TMCC1: variants seen among roughly 807,000 people sequenced by gnomAD.
TMCC1 encodes transmembrane and coiled-coil domain family 1, also known as transmembrane and coiled-coil domains protein 1.
In TMCC1, 15 loss-of-function variants were observed where a neutral mutation model predicts 52.4. The ratio of observed to expected loss-of-function variants is 0.29; its 90% CI spans 0.19 to 0.44. The LOEUF (loss-of-function observed/expected upper bound fraction) is 0.44. Among genes scored for constraint, TMCC1 ranks in the 20% least tolerant of loss-of-function variants. The pLI is 1.00. For missense variants in TMCC1, 503 were observed against 806.0 expected (o/e 0.62, Z 4.55); for synonymous variants, 279 against 301.9 (o/e 0.92, Z 0.79).
chr3:129,684,773 A>G (rs1055513886), intron 4 of TMCC1, among the ~76,000 whole-genome samples: 8 of 152,252 alleles, frequency 5.3e-5, no homozygotes, highest in African/African-American at 1.7e-4. Context: ...CTTTGTATCT[A>G]GGTATCTGCG....
At chr3:129,792,366 A>T (rs895455956) in intron 4 of TMCC1, among the ~76,000 whole-genome samples, 1 of 151,682 alleles carries the variant, frequency 6.6e-6, no homozygotes, top group Non-Finnish European at 1.5e-5. Context: ...ATTTTTTTTT[A>T]AGACGGAGTC....
intron 6 of TMCC1, among the ~76,000 whole-genome samples, chr3:129,652,097 T>C (rs1484966911): frequency 6.6e-6 from 1 of 152,234 alleles, no homozygotes; most frequent in Non-Finnish European, 1.5e-5. Context: ...TCTTTTTTCA[T>C]TGAAAATTAA....
chr3:129,689,845 G>C (rs532376167), intron 4 of TMCC1, among the ~76,000 whole-genome samples: 46 of 152,232 alleles, frequency 3.0e-4, no homozygotes, highest in African/African-American at 1.0e-3. Flanking sequence ...AATTAATAAA[G>C]AATTTGATTT....
chr3:129,682,329 A>G (rs1477651990), intron 4 of TMCC1, among the ~76,000 whole-genome samples: 3 of 152,232 alleles, frequency 2.0e-5, no homozygotes, highest in Admixed American at 1.3e-4. Context: ...GACACGTATC[A>G]TGAAGAAGAA....
chr3:129,790,644 C>T (rs539294646), intron 4 of TMCC1, among the ~76,000 whole-genome samples: 7 of 152,196 alleles, frequency 4.6e-5, no homozygotes, highest in African/African-American at 1.4e-4. Flanking sequence ...AGAGTGCAGG[C>T]CAGAGTAATT....
At chr3:129,883,600 C>T (rs540472774) in intron 1 of TMCC1, among the ~76,000 whole-genome samples, 3 of 152,312 alleles carry the variant, frequency 2.0e-5, no homozygotes, top group African/African-American at 4.8e-5. Flanking sequence ...GGTGACAGAG[C>T]GAGACGCTGT....
intron 4 of TMCC1, among the ~76,000 whole-genome samples, chr3:129,750,105 G>GTTACT (rs1393648401): frequency 1.3e-5 from 2 of 152,160 alleles, no homozygotes; most frequent in East Asian, 1.9e-4. Context: ...TCTTGGATAA[G>GTTACT]TCATCATTAA....
intron 2 of TMCC1, among the ~76,000 whole-genome samples, chr3:129,834,862 C>T (rs2059083810): frequency 6.6e-6 from 1 of 152,164 alleles, no homozygotes; most frequent in Non-Finnish European, 1.5e-5. Flanking sequence ...GTACAATCAT[C>T]CAATTCATCC....
At chr3:129,656,036 T>C (rs981489105) in intron 5 of TMCC1, among the ~76,000 whole-genome samples, 22 of 151,812 alleles carry the variant, frequency 1.4e-4, no homozygotes, top group African/African-American at 5.3e-4. Flanking sequence ...ATCCGAAGAG[T>C]TGGGATTCTA....
intron 4 of TMCC1, among the ~76,000 whole-genome samples, chr3:129,823,647 C>CA (rs1283056861): frequency 6.6e-6 from 1 of 151,668 alleles, no homozygotes; most frequent in Non-Finnish European, 1.5e-5. Flanking sequence ...AACAAACAAA[C>CA]AAAAAAACAG....
chr3:129,814,484 G>T (rs1338376366), intron 4 of TMCC1, among the ~76,000 whole-genome samples: 2 of 152,030 alleles, frequency 1.3e-5, no homozygotes, highest in Non-Finnish European at 2.9e-5. Context: ...GTAAAAAAGG[G>T]ATGAAAAGAG....
At position 129,802,521 on chromosome 3, in the gene TMCC1, C is replaced by T. The variant is rs79886189; in HGVS notation, c.576+25282G>A. On this transcript the variant is annotated intron_variant, in intron 4 of 6. Transcript: ENST00000393238. ...ACTTGGAAGGCTGAGGCAGGAGGAT[C>T]GCTTGATCCCAGAAATTTGGGGTTA... is the stretch of plus-strand genomic sequence containing the variant. Among the ~76,000 whole-genome samples the T allele has an allele frequency of 9.2e-5, 14 of 152,260 alleles. No homozygotes were observed. The East Asian group carries it at 2.1e-3, about 23-fold the overall frequency.
chr3:129,859,362 G>A (rs779934577), intron 2 of TMCC1, among the ~76,000 whole-genome samples: 1 of 152,300 alleles, frequency 6.6e-6, no homozygotes, highest in South Asian at 2.1e-4. Context: ...GGCTGGGTGT[G>A]ATAGCTCACG....
chr3:129,690,521 T>C (rs1325245136), intron 4 of TMCC1, among the ~76,000 whole-genome samples: 2 of 152,244 alleles, frequency 1.3e-5, no homozygotes, highest in African/African-American at 2.4e-5. Flanking sequence ...TGAACACACA[T>C]GGAAGACTAC....
intron 4 of TMCC1, chr3:129,794,347 T>C (rs1418974040): frequency 2.2e-6 from 1 of 456,092 alleles, no homozygotes; most frequent in Admixed American, 2.4e-5. Flanking sequence ...CTCCTGAGGC[T>C]AAAGCGCTGA....
intron 2 of TMCC1, among the ~76,000 whole-genome samples, chr3:129,877,694 T>A (rs1172549568): frequency 6.2e-5 from 9 of 144,188 alleles, no homozygotes; most frequent in Non-Finnish European, 1.3e-4. Context: ...AGTGGCGCAA[T>A]CTTGGCTCAT....
intron 4 of TMCC1, among the ~76,000 whole-genome samples, chr3:129,825,634 G>C (rs2058624987): frequency 6.6e-6 from 1 of 151,700 alleles, no homozygotes; most frequent in African/African-American, 2.4e-5. Context: ...AACAACAGTT[G>C]AATCAACAAC....
At chr3:129,861,216 G>A (rs1482005180) in intron 2 of TMCC1, among the ~76,000 whole-genome samples, 11 of 152,036 alleles carry the variant, frequency 7.2e-5, no homozygotes, top group South Asian at 4.2e-4. Flanking sequence ...CGAGGCGGGC[G>A]GATCATGAGG....
chr3:129,853,891 C>T (rs1358267314), intron 2 of TMCC1, among the ~76,000 whole-genome samples: 1 of 152,112 alleles, frequency 6.6e-6, no homozygotes, highest in East Asian at 1.9e-4. Context: ...CCTCTCTTCT[C>T]CACTTCATAT....
Sources: gnomAD v4.1 joint callset for allele counts (sites outside exome capture counted in the v4.1 genomes callset) on GRCh38, gnomAD v4.1.1 for gene constraint, MANE v1.5 for transcripts, NCBI Gene and HGNC (gene_info 2026-07-23, HGNC 2026-07-21) for gene names.